Variants in NGEF observed in about 807,000 individuals in gnomAD.
NGEF encodes the protein neuronal guanine nucleotide exchange factor, also known as ephexin-1.
Under a neutral mutation model 80.9 loss-of-function variants are expected in NGEF, and 31 were observed. That is an observed-to-expected ratio of 0.38 (90% CI 0.29 to 0.52). The LOEUF is 0.52. Ranked by LOEUF, NGEF falls within the 20% of genes least tolerant of loss-of-function variation. NGEF has a pLI of 0.84. For missense variants in NGEF, 709 were observed against 926.2 expected, an observed-to-expected ratio of 0.77 and a Z score of 3.04; for synonymous variants, 371 against 370.2, an observed-to-expected ratio of 1.00 and a Z score of -0.03.
rs1383936442 is a variant in NGEF, at chr2:233,013,143, C to G, written c.-150G>C. ...CCTCGTCCCCTGTCCTGTCCAGGCACCTGCGAGCAGGATGGTGTGTCCCCG... is the reference window on the plus strand; with the variant it reads ...CCTCGTCCCCTGTCCTGTCCAGGCAGCTGCGAGCAGGATGGTGTGTCCCCG... On this transcript the variant is annotated 5_prime_UTR_variant, in exon 1 of 15. Transcript: ENST00000264051. 2.1e-6 allele frequency: 1 copy of G among 471,172 alleles called. No individual in the cohort carries two copies. Among genetic ancestry groups the G allele is most frequent in the African/African-American group, 2.0e-5 (1 of 50,078 alleles). The allele number at this position is 471,172 out of a possible 1,614,324, so 29.2% of individuals were successfully genotyped here. A position where few individuals can be genotyped will look rare whatever the true frequency, so the allele number is the denominator to read the frequency against.
intron 3 of NGEF, among the ~76,000 whole-genome samples, chr2:232,952,810 A>G (rs1454061434): frequency 6.6e-6 from 1 of 151,126 alleles, no homozygotes; most frequent in Non-Finnish European, 1.5e-5. Context: ...TCTACTAAAA[A>G]ATACAAAAAT....
intron 1 of NGEF, among the ~76,000 whole-genome samples, chr2:232,999,666 C>T (rs1003565786): frequency 4.6e-5 from 7 of 152,216 alleles, no homozygotes; most frequent in Non-Finnish European, 8.8e-5. Context: ...GGCAAGCTCC[C>T]GCCTGTGGGC....
At chr2:232,904,076 C>T (rs1253569370) in intron 5 of NGEF, among the ~76,000 whole-genome samples, 1 of 152,156 alleles carries the variant, frequency 6.6e-6, no homozygotes, top group Non-Finnish European at 1.5e-5. Context: ...AGACAATTCG[C>T]CGCCCTGTGG....
chr2:232,988,477 G>A (rs72980022), intron 1 of NGEF, among the ~76,000 whole-genome samples: 31,256 of 152,220 alleles, frequency 0.21, 3,904 homozygotes, highest in Non-Finnish European at 0.28. Context: ...TTTGAAGAGT[G>A]ATTGGTGCAG....
intron 3 of NGEF, among the ~76,000 whole-genome samples, chr2:232,969,397 G>A (rs1036276870): frequency 1.3e-5 from 2 of 148,672 alleles, no homozygotes; most frequent in South Asian, 2.1e-4. Context: ...GGCACAAGCT[G>A]CTCTGCCTGG....
At chr2:233,005,974 A>T (rs1397515189) in intron 1 of NGEF, among the ~76,000 whole-genome samples, 2 of 151,996 alleles carry the variant, frequency 1.3e-5, no homozygotes, top group African/African-American at 4.8e-5. Context: ...CTGCCACCAC[A>T]TCTGGCTAAT....
At chr2:232,990,489 C>A (rs1694628804) in intron 1 of NGEF, among the ~76,000 whole-genome samples, 2 of 151,960 alleles carry the variant, frequency 1.3e-5, no homozygotes, top group South Asian at 2.1e-4. Flanking sequence ...AATGAAAAAA[C>A]TGATCAGACT....
intron 3 of NGEF, among the ~76,000 whole-genome samples, chr2:232,967,644 T>TA (rs1694091966): frequency 6.6e-6 from 1 of 152,260 alleles, no homozygotes; most frequent in East Asian, 1.9e-4. Flanking sequence ...GGTATTTTTT[T>TA]ATAGCAATGC....
At chr2:232,996,983 G>A (rs1694865841) in intron 1 of NGEF, among the ~76,000 whole-genome samples, 1 of 152,198 alleles carries the variant, frequency 6.6e-6, no homozygotes, top group Non-Finnish European at 1.5e-5. Flanking sequence ...CCCCAAGGGT[G>A]ACCTCTGACT....
chr2:232,888,396 A>G (rs1691768494), intron 8 of NGEF, among the ~76,000 whole-genome samples: 1 of 151,862 alleles, frequency 6.6e-6, no homozygotes, highest in African/African-American at 2.4e-5. Context: ...GCATACAAGC[A>G]CACGTGCACA....
intron 5 of NGEF, among the ~76,000 whole-genome samples, chr2:232,908,021 A>T (rs1419481829): frequency 6.6e-6 from 1 of 152,094 alleles, no homozygotes; most frequent in Non-Finnish European, 1.5e-5. Flanking sequence ...GAGGCAGGAG[A>T]ATTGCTCGAA....
intron 3 of NGEF, among the ~76,000 whole-genome samples, chr2:232,940,139 C>G (rs944797898): frequency 6.6e-6 from 1 of 152,090 alleles, no homozygotes; most frequent in Non-Finnish European, 1.5e-5. Flanking sequence ...GTAATGTTGA[C>G]GGAATTCGTT....
At chr2:232,905,246 C>T (rs547919613) in intron 5 of NGEF, among the ~76,000 whole-genome samples, 41 of 152,328 alleles carry the variant, frequency 2.7e-4, no homozygotes, top group African/African-American at 9.1e-4. Context: ...CGATTGCAGG[C>T]GCGCGCCGCC....
At chr2:232,982,847 G>A (rs1465223920) in intron 1 of NGEF, among the ~76,000 whole-genome samples, 1 of 152,224 alleles carries the variant, frequency 6.6e-6, no homozygotes, top group Non-Finnish European at 1.5e-5. Context: ...GATCAAAGTG[G>A]GGAGAGTGAG....
chr2:232,932,301 A>T (rs1041549394), intron 3 of NGEF, among the ~76,000 whole-genome samples: 1 of 150,984 alleles, frequency 6.6e-6, no homozygotes, highest in South Asian at 2.1e-4. Flanking sequence ...AGTAGCTGGG[A>T]TTAAAGGTGC....
At chr2:232,902,758 T>C (rs1222330179) in intron 5 of NGEF, among the ~76,000 whole-genome samples, 1 of 152,160 alleles carries the variant, frequency 6.6e-6, no homozygotes, top group Non-Finnish European at 1.5e-5. Context: ...CCCAATACTT[T>C]GGGAGGCCCA....
At chr2:232,956,050 T>C (rs1306860676) in intron 3 of NGEF, among the ~76,000 whole-genome samples, 1 of 152,178 alleles carries the variant, frequency 6.6e-6, no homozygotes, top group Non-Finnish European at 1.5e-5. Flanking sequence ...AGCATGTGCT[T>C]GTATGTGCTG....
At chr2:232,926,292 G>T (rs866972014) in intron 4 of NGEF, among the ~76,000 whole-genome samples, 1 of 151,836 alleles carries the variant, frequency 6.6e-6, no homozygotes, top group Non-Finnish European at 1.5e-5. Flanking sequence ...ATTCATTCAC[G>T]GGTGCCTCTC....
intron 3 of NGEF, among the ~76,000 whole-genome samples, chr2:232,928,537 C>G (rs867731556): frequency 2.0e-5 from 3 of 152,100 alleles, no homozygotes; most frequent in East Asian, 3.9e-4. Context: ...GGTCGCAGCT[C>G]GGCGACCCGC....
Sources: allele counts gnomAD v4.1 joint callset (sites outside exome capture counted in the v4.1 genomes callset), GRCh38; gene constraint gnomAD v4.1.1; transcripts MANE v1.5; gene names NCBI Gene and HGNC (gene_info 2026-07-23, HGNC 2026-07-21).